Variants in BIK observed in about 807,000 individuals in gnomAD.
BIK encodes the protein BCL2 interacting killer.
BIK carries 14 observed loss-of-function variants against 12.1 expected under a neutral mutation model. The observed-to-expected ratio is 1.16, with a 90% CI of 0.77 to 1.81. The LOEUF (loss-of-function observed/expected upper bound fraction) is 1.81. Ranked by LOEUF, BIK falls within the 40% of genes most tolerant of loss-of-function variation. The probability of loss-of-function intolerance (pLI) is 0.00; values close to 1 mark genes in which losing one functional copy is unlikely to be tolerated. For synonymous variants in BIK, 86 were observed against 92.3 expected (o/e 0.93, Z 0.39); for missense variants, 215 against 207.9 (o/e 1.03, Z -0.21).
At chr22:43,127,948 C>G (rs541824841) in intron 3 of BIK, among the ~76,000 whole-genome samples, 153 bp downstream of exon 3, 5 of 152,122 alleles carry the variant, frequency 3.3e-5, no homozygotes, top group Non-Finnish European at 7.4e-5. Flanking sequence ...GGCTGCTTCC[C>G]GCACCTCTCC....
intron 1 of BIK, among the ~76,000 whole-genome samples, chr22:43,115,469 A>ATT (rs373302150): frequency 7.4e-5 from 11 of 149,526 alleles, no homozygotes; most frequent in Admixed American, 2.0e-4. Context: ...AACTTGTTTT[A>ATT]TTTTTTTTTT....
At chr22:43,128,905 C>G (rs1390844872) in intron 4 of BIK, among the ~76,000 whole-genome samples, 2 of 152,256 alleles carry the variant, frequency 1.3e-5, no homozygotes, top group African/African-American at 4.8e-5. Context: ...AGCAGCCTTC[C>G]TGGTAGCCTG....
intron 1 of BIK, among the ~76,000 whole-genome samples, chr22:43,112,507 T>G (rs1203029199): frequency 6.6e-6 from 1 of 150,986 alleles, no homozygotes; most frequent in African/African-American, 2.4e-5. Flanking sequence ...CTTGAGTGTT[T>G]AAATACTCCT....
At chr22:43,119,642 G>C (rs774320434) in intron 1 of BIK, among the ~76,000 whole-genome samples, 1 of 152,038 alleles carries the variant, frequency 6.6e-6, no homozygotes, top group Non-Finnish European at 1.5e-5. Flanking sequence ...GACAGGGGCT[G>C]CAGGACCCCC....
Position 43,129,262 on chromosome 22 carries a change from T to C in BIK, c.440T>C (p.Leu147Pro). 6.3e-7 allele frequency: 1 copy of C among 1,597,810 alleles called. No individual in the cohort carries two copies. Among genetic ancestry groups the C allele is most frequent in the Non-Finnish European group, 8.5e-7 (1 of 1,176,812 alleles). The change falls in exon 5 of 5, where the codon CTG becomes CCG. Residue 147 changes from leucine to proline, a missense_variant. Leu to Pro is a moderately conservative substitution (Grantham distance 98). Transcript: ENST00000216115. Reference sequence around the variant, plus strand: ...GCGCTGCTGCTGCTGCTGGCGCTGCTGCTGCCGCTGCTCAGCGGGGGCCTG... The same window carrying C: ...GCGCTGCTGCTGCTGCTGGCGCTGCCGCTGCCGCTGCTCAGCGGGGGCCTG... The part of the protein sequence containing the change: ...LLALLLLLAL[L>P]LPLLSGGLHL...
chr22:43,114,051 G>A (rs1930063211), intron 1 of BIK, among the ~76,000 whole-genome samples: 1 of 152,150 alleles, frequency 6.6e-6, no homozygotes, highest in African/African-American at 2.4e-5. Flanking sequence ...GTTCCTTGTT[G>A]GCCCCGAGGC....
rs1930384019 is a variant in BIK at position 43,129,142 on chromosome 22, T to G, written c.391-71T>G. On this transcript the variant is annotated intron_variant, in intron 4 of 4. Coordinates refer to ENST00000216115, the MANE Select transcript of BIK (RefSeq NM_001197.5). ...ACCCTCCTGGGCTTCCCCTTGGCAC[T>G]CCGCTGTCACCCGTCTGGCCCCATT... 3 of 1,598,330 alleles carry G rather than the reference T, an allele frequency of 1.9e-6. No individual in the cohort carries two copies. The East Asian group carries it at 6.7e-5, about 36-fold the overall frequency.
At chr22:43,121,764 C>T (rs1371120357) in intron 1 of BIK, among the ~76,000 whole-genome samples, 3 of 152,224 alleles carry the variant, frequency 2.0e-5, no homozygotes, top group East Asian at 1.9e-4. Flanking sequence ...CAGCTTAACA[C>T]GCACACTGCT....
chr22:43,117,358 A>ATT (rs201363308), intron 1 of BIK, among the ~76,000 whole-genome samples: 216 of 141,498 alleles, frequency 1.5e-3, no homozygotes, highest in African/African-American at 5.4e-3. Context: ...CATACTACGG[A>ATT]TTTTTTTTTT....
rs372583711 is a variant in BIK at position 43,115,386 on chromosome 22, G to A, written c.-8+4583G>A. ...AACACTGAAGTGGAGCCCAGGGGCCGTACCTGCCTCTCAAGCCTCAGGGTC... is the reference window on the plus strand; with the variant it reads ...AACACTGAAGTGGAGCCCAGGGGCCATACCTGCCTCTCAAGCCTCAGGGTC... On this transcript the variant is annotated intron_variant, in intron 1 of 4. Transcript: ENST00000216115. 3.3e-3 allele frequency among the ~76,000 whole-genome samples: 501 copies of A among 152,284 alleles called. 1 individual carries two copies. Among genetic ancestry groups the A allele is most frequent in the African/African-American group, 0.011 (449 of 41,550 alleles).
intron 2 of BIK, among the ~76,000 whole-genome samples, chr22:43,126,421 G>A (rs6003067): frequency 0.51 from 76,992 of 151,836 alleles, 23,564 homozygotes; most frequent in Non-Finnish European, 0.68. Context: ...TCCTGACCTC[G>A]TGATCTGCCT....
rs768190487 is a variant in BIK, at chr22:43,124,231, G to C, written c.161+48G>C. 1.9e-6 allele frequency: 3 copies of C among 1,599,372 alleles called. No individual in the cohort carries two copies. The African/African-American group carries it at 4.0e-5, about 21-fold the overall frequency. ...ACCCCCTGCCTGATAGTGACTTCAGGGGTGGGCTGGATGAGCAGACATTCT... is the reference window on the plus strand; with the variant it reads ...ACCCCCTGCCTGATAGTGACTTCAGCGGTGGGCTGGATGAGCAGACATTCT... On this transcript the variant is annotated intron_variant, in intron 2 of 4. Coordinates refer to ENST00000216115, the MANE Select transcript of BIK (RefSeq NM_001197.5).
At chr22:43,125,527 G>C (rs1036017672) in intron 2 of BIK, among the ~76,000 whole-genome samples, 3 of 147,740 alleles carry the variant, frequency 2.0e-5, no homozygotes, top group African/African-American at 7.5e-5. Context: ...CCAACATGGT[G>C]AAACCCAACC....
chr22:43,128,633 C>G lies in BIK; in HGVS notation c.390+8C>G. On this transcript the variant is annotated splice_region_variant and intron_variant, in intron 4 of 4. Transcript: ENST00000216115. Reference sequence around the variant, plus strand: ...CCGAACCCCGGGTCCTGGGTAAGAGCCTTGAGATCCCTGACCCTGACTTGC... The same window carrying G: ...CCGAACCCCGGGTCCTGGGTAAGAGGCTTGAGATCCCTGACCCTGACTTGC... 6.2e-7 allele frequency: 1 copy of G among 1,600,506 alleles called. No individual in the cohort carries two copies. The highest frequency in any genetic ancestry group is 8.5e-7 in the Non-Finnish European group (1 of 1,172,096).
At chr22:43,127,558 A>T in intron 2 of BIK, 139 bp from the exon 3 acceptor site, 1 of 719,130 alleles carries the variant, frequency 1.4e-6, no homozygotes, top group Non-Finnish European at 2.3e-6. Flanking sequence ...AGGCCCACTC[A>T]CTGCCTGCCC....
In BIK at chr22:43,129,564, G is replaced by C; in HGVS notation, c.*259G>C. On this transcript the variant is annotated 3_prime_UTR_variant, in exon 5 of 5. Coordinates refer to ENST00000216115, the MANE Select transcript of BIK (RefSeq NM_001197.5). The stretch of plus-strand genomic sequence containing the variant: ...GTTAACTGTGGCCTGTGCCCAGGAA[G>C]AGCCATTCACTCCTGCCCCTGCCCA... The C allele has an allele frequency of 1.7e-6, 1 of 595,724 alleles. No individual in the cohort carries two copies. Among genetic ancestry groups the C allele is most frequent in the Non-Finnish European group, 2.8e-6 (1 of 357,268 alleles). 36.9% of individuals were successfully genotyped at this position (595,724 alleles called of 1,614,324 possible). A position where few individuals can be genotyped will look rare whatever the true frequency, so the allele number is the denominator to read the frequency against.
chr22:43,129,655 A>T lies in BIK; in HGVS notation c.*350A>T. ...TGATATGTGATGCCCTCGGCAAAGA[A>T]TCTACTGGAATAGATTCCGAGGAGC... On this transcript the variant is annotated 3_prime_UTR_variant, in exon 5 of 5. Coordinates refer to ENST00000216115, the MANE Select transcript of BIK (RefSeq NM_001197.5). 3.4e-6 allele frequency: 1 copy of T among 291,640 alleles called. No homozygotes were observed. Among genetic ancestry groups the T allele is most frequent in the Non-Finnish European group, 6.4e-6 (1 of 156,634 alleles). The allele number at this position is 291,640 out of a possible 1,614,324, so 18.1% of individuals were successfully genotyped here. A position where few individuals can be genotyped will look rare whatever the true frequency, so the allele number is the denominator to read the frequency against.
At chr22:43,121,565 A>G (rs1308518905) in intron 1 of BIK, among the ~76,000 whole-genome samples, 1 of 152,056 alleles carries the variant, frequency 6.6e-6, no homozygotes, top group Non-Finnish European at 1.5e-5. Context: ...GTGAGGTTCC[A>G]CTGTTGCTCT....
In BIK at chr22:43,124,080, C is replaced by T. The variant is rs1416453980; in HGVS notation, c.58C>T (p.Gln20Ter). The T allele has an allele frequency of 1.2e-6, 2 of 1,614,156 alleles. No homozygotes were observed. The highest frequency in any genetic ancestry group is 1.7e-6 in the Non-Finnish European group (2 of 1,180,006). ...DILMETLLYE[Q>*]LLEPPTMEVL... ...CTTGATGGAGACCCTCCTGTATGAG[C>T]AGCTCCTGGAACCCCCGACCATGGA... Residue 20 changes from glutamine (Q) to a stop codon, truncating the protein, a stop_gained, in exon 2 of 5, where the codon CAG becomes TAG. Coordinates refer to ENST00000216115, the MANE Select transcript of BIK (RefSeq NM_001197.5). LOFTEE classifies it high-confidence loss of function.
Sources: gnomAD v4.1 joint callset for allele counts (sites outside exome capture counted in the v4.1 genomes callset) on GRCh38, gnomAD v4.1.1 for gene constraint, MANE v1.5 for transcripts, NCBI Gene and HGNC (gene_info 2026-07-23, HGNC 2026-07-21) for gene names.